MGAT4C: variants seen among roughly 807,000 people sequenced by gnomAD.
The protein encoded by MGAT4C is MGAT4 family member C.
A neutral mutation model predicts 40.1 loss-of-function variants in MGAT4C; 19 were observed. That is an observed-to-expected ratio of 0.47 (90% CI 0.33 to 0.70). The LOEUF (loss-of-function observed/expected upper bound fraction) is 0.70. Among genes scored for constraint, MGAT4C ranks in the 30% least tolerant of loss-of-function variants. The pLI is 0.02. For missense variants in MGAT4C, 491 were observed against 563.2 expected (o/e 0.87, Z 1.30); for synonymous variants, 181 against 187.1 (o/e 0.97, Z 0.27).
chr12:86,304,225 T>C (rs1953880964), intron 4 of MGAT4C, among the ~76,000 whole-genome samples: 1 of 150,744 alleles, frequency 6.6e-6, no homozygotes. Context: ...AAAATGATTT[T>C]TGCTGGCAGA....
At chr12:86,524,151 T>C (rs962401959) in intron 2 of MGAT4C, among the ~76,000 whole-genome samples, 2 of 152,210 alleles carry the variant, frequency 1.3e-5, no homozygotes, top group Non-Finnish European at 2.9e-5. Flanking sequence ...CTGGTGATTC[T>C]GCCGACTTGT....
At chr12:86,633,007 A>G (rs556222359) in intron 2 of MGAT4C, among the ~76,000 whole-genome samples, 2 of 152,182 alleles carry the variant, frequency 1.3e-5, no homozygotes, top group South Asian at 2.1e-4. Context: ...ACTATATTGC[A>G]TAGCATAAGT....
chr12:86,400,001 T>C (rs923832701), intron 3 of MGAT4C, among the ~76,000 whole-genome samples: 2 of 152,158 alleles, frequency 1.3e-5, no homozygotes, highest in Non-Finnish European at 2.9e-5. Flanking sequence ...GGGTTTGTGA[T>C]TGGCATTGGA....
At chr12:86,332,507 T>A (rs1592707622) in intron 4 of MGAT4C, among the ~76,000 whole-genome samples, 1 of 152,138 alleles carries the variant, frequency 6.6e-6, no homozygotes, top group East Asian at 1.9e-4. Context: ...TCCTTTTATA[T>A]TCCTCTCGAA....
At chr12:86,040,582 C>A (rs1325283619) in intron 2 of MGAT4C, among the ~76,000 whole-genome samples, 1 of 152,184 alleles carries the variant, frequency 6.6e-6, no homozygotes, top group Admixed American at 6.5e-5. Context: ...AAGCCCCTCT[C>A]CTCACCAAGC....
intron 1 of MGAT4C, among the ~76,000 whole-genome samples, chr12:86,772,189 G>A (rs1161938088): frequency 6.6e-6 from 1 of 152,164 alleles, no homozygotes; most frequent in Non-Finnish European, 1.5e-5. Flanking sequence ...AGCTGGGATT[G>A]AAGATGTGGT....
At chr12:86,190,673 C>G (rs993936979) in intron 1 of MGAT4C, among the ~76,000 whole-genome samples, 5 of 151,976 alleles carry the variant, frequency 3.3e-5, no homozygotes, top group Non-Finnish European at 7.4e-5. Flanking sequence ...TAAGTAAATA[C>G]TCTGTGATGA....
At chr12:86,080,392 TTTCTA>T (rs1425171153) in intron 1 of MGAT4C, among the ~76,000 whole-genome samples, 1 of 152,210 alleles carries the variant, frequency 6.6e-6, no homozygotes, top group African/African-American at 2.4e-5. Context: ...ATTTTTAGCT[TTTCTA>T]TTCTATCTTG....
chr12:86,645,088 T>A (rs1428347570), intron 2 of MGAT4C, among the ~76,000 whole-genome samples: 1 of 151,510 alleles, frequency 6.6e-6, no homozygotes, highest in Non-Finnish European at 1.5e-5. Context: ...CAAAATCATA[T>A]CTATATATTA....
At chr12:86,290,430 G>A (rs1471990758) in intron 4 of MGAT4C, among the ~76,000 whole-genome samples, 1 of 151,830 alleles carries the variant, frequency 6.6e-6, no homozygotes, top group Non-Finnish European at 1.5e-5. Context: ...ATCACGGAGG[G>A]TTTGAGATTT....
At chr12:86,186,725 A>T (rs1173460190) in intron 1 of MGAT4C, among the ~76,000 whole-genome samples, 1 of 152,078 alleles carries the variant, frequency 6.6e-6, no homozygotes, top group Non-Finnish European at 1.5e-5. Flanking sequence ...CAACAACTTG[A>T]CTGCACAATC....
At chr12:86,727,218 T>C (rs916822005) in exon 2 of MGAT4C, 4 of 152,022 alleles carry the variant, frequency 2.6e-5, no homozygotes, top group African/African-American at 7.2e-5. Context: ...CCCATCCAAG[T>C]AGAATGTAAC....
At chr12:86,147,293 G>A (rs1402893902) in intron 1 of MGAT4C, among the ~76,000 whole-genome samples, 1 of 151,966 alleles carries the variant, frequency 6.6e-6, no homozygotes, top group East Asian at 1.9e-4. Context: ...CCAGGCTGGA[G>A]TGCAGTGCCG....
intron 2 of MGAT4C, among the ~76,000 whole-genome samples, chr12:86,684,346 G>A (rs1950033875): frequency 6.6e-6 from 1 of 152,138 alleles, no homozygotes; most frequent in Non-Finnish European, 1.5e-5. Flanking sequence ...CCATGTCCCT[G>A]CAAAAGACAT....
intron 2 of MGAT4C, among the ~76,000 whole-genome samples, chr12:86,658,428 A>T (rs1716157895): frequency 6.6e-6 from 1 of 152,074 alleles, no homozygotes; most frequent in South Asian, 2.1e-4. Context: ...GTCTATTTGA[A>T]TCATTATTTA....
intron 2 of MGAT4C, among the ~76,000 whole-genome samples, chr12:86,502,718 T>A (rs189939038): frequency 2.8e-5 from 4 of 144,822 alleles, no homozygotes; most frequent in East Asian, 4.1e-4. Flanking sequence ...CTCATATATA[T>A]ATACACGAGT....
intron 1 of MGAT4C, among the ~76,000 whole-genome samples, chr12:86,140,289 A>G (rs1196154278): frequency 6.6e-6 from 1 of 152,198 alleles, no homozygotes; most frequent in African/African-American, 2.4e-5. Context: ...TATAACATTT[A>G]TCTCAAAAAT....
chr12:86,629,136 C>T, intron 2 of MGAT4C, among the ~76,000 whole-genome samples: 1 of 151,672 alleles, frequency 6.6e-6, no homozygotes, highest in Non-Finnish European at 1.5e-5. Context: ...ATTAAAAAAA[C>T]AAAGGTCAAA....
chr12:86,149,129 TA>T (rs1300203354), intron 1 of MGAT4C, among the ~76,000 whole-genome samples: 2 of 152,176 alleles, frequency 1.3e-5, no homozygotes, highest in African/African-American at 4.8e-5. Context: ...AGAAATATTT[TA>T]AAGCTTTTAC....
Sources: gnomAD v4.1 joint callset for allele counts (sites outside exome capture counted in the v4.1 genomes callset) on GRCh38, gnomAD v4.1.1 for gene constraint, MANE v1.5 for transcripts, NCBI Gene and HGNC (gene_info 2026-07-23, HGNC 2026-07-21) for gene names.